HSPA2: variants seen among roughly 807,000 people sequenced by gnomAD.
HSPA2 encodes heat shock protein family A (Hsp70) member 2.
HSPA2 carries 13 observed loss-of-function variants against 35.0 expected under a neutral mutation model. That is an observed-to-expected ratio of 0.37 (90% CI 0.24 to 0.59). The LOEUF is 0.59. HSPA2 is among the 20% of genes least tolerant of loss of function. The probability of loss-of-function intolerance (pLI) is 0.70; values close to 1 mark genes in which losing one functional copy is unlikely to be tolerated. For synonymous variants in HSPA2, 368 were observed against 382.1 expected (o/e 0.96, Z 0.43); for missense variants, 565 against 885.4 (o/e 0.64, Z 4.59).
chr14:64,542,642 A>G lies in HSPA2; in HGVS notation c.1793A>G (p.Lys598Arg). 6.2e-7 allele frequency: 1 copy of G among 1,613,994 alleles called. No homozygotes were observed. Reference sequence around the variant, plus strand: ...GCAGAGAAAGATGAGTATGAACACAAGCAGAAAGAGCTCGAAAGAGTTTGC... The same window carrying G: ...GCAGAGAAAGATGAGTATGAACACAGGCAGAAAGAGCTCGAAAGAGTTTGC... ...QMAEKDEYEH[K>R]QKELERVCNP... Residue 598 changes from lysine (K) to arginine (R), a missense_variant, in exon 1 of 1, where the codon AAG (lysine) becomes AGG (arginine). This residue lies in a region of HSPA2 where 147 missense variants were observed against 166.7 expected (regional missense o/e 0.88). Transcript: ENST00000247207. This position sits in a 1 kb window ranked among gnomAD's most constrained non-coding sequence, Gnocchi z 5.7.
Position 64,542,488 on chromosome 14 carries a change from TCCTATA to T in HSPA2, c.1644_1649del (p.Thr549_Tyr550del), listed in dbSNP as rs1267365296. The T allele has an allele frequency of 6.2e-7, 1 of 1,610,544 alleles. No homozygotes were observed. Among genetic ancestry groups the T allele is most frequent in the Non-Finnish European group, 8.5e-7 (1 of 1,179,370 alleles). On this transcript the variant is annotated inframe_deletion, in exon 1 of 1. Coordinates refer to ENST00000247207, the MANE Select transcript of HSPA2 (RefSeq NM_021979.4). The surrounding 1 kb of genome is among the most constrained non-coding windows in gnomAD (Gnocchi z 5.7). ...AGTCGCGGCCAAAAACGCCCTGGAG[TCCTATA>T]CCTACAACATCAAGCAGACGGTGGA...
chr14:64,536,534 G>A (rs2079981592), upstream of HSPA2, among the ~76,000 whole-genome samples: 1 of 152,208 alleles, frequency 6.6e-6, no homozygotes, highest in Non-Finnish European at 1.5e-5. Flanking sequence ...GCTGAGACTG[G>A]TGGAGAGCTT....
Position 64,543,127 on chromosome 14 carries a change from T to C in HSPA2, c.*358T>C, listed in dbSNP as rs891738963. On this transcript the variant is annotated 3_prime_UTR_variant, in exon 1 of 1. Transcript: ENST00000247207. ...TAGGAGCTTAAATTGTTTATTTTTATGTACTACTTTAAAACTAAACTGAAC... is the reference window on the plus strand; with the variant it reads ...TAGGAGCTTAAATTGTTTATTTTTACGTACTACTTTAAAACTAAACTGAAC... 4 of 296,912 alleles carry C rather than the reference T, an allele frequency of 1.3e-5. No individual in the cohort carries two copies. Among genetic ancestry groups the C allele is most frequent in the Non-Finnish European group, 2.7e-5 (4 of 150,794 alleles). The allele number at this position is 296,912 out of a possible 1,614,324, so 18.4% of individuals were successfully genotyped here. A position where few individuals can be genotyped will look rare whatever the true frequency, so the allele number is the denominator to read the frequency against.
At chr14:64,536,386 A>C (rs2079980785), upstream of HSPA2, among the ~76,000 whole-genome samples, 1 of 152,132 alleles carries the variant, frequency 6.6e-6, no homozygotes, top group Non-Finnish European at 1.5e-5. Flanking sequence ...AAATAATACT[A>C]CCTGCATTTT....
At position 64,542,703 on chromosome 14, in the gene HSPA2, T is replaced by TGGCGGCGGCAGC. The variant is rs1555350329; in HGVS notation, c.1864_1875dup (p.Ser622_Gly625dup). 13 of 1,613,916 alleles carry TGGCGGCGGCAGC rather than the reference T, an allele frequency of 8.1e-6. No homozygotes were observed. Among genetic ancestry groups the TGGCGGCGGCAGC allele is most frequent in the South Asian group, 5.5e-5 (5 of 91,080 alleles). On this transcript the variant is annotated inframe_insertion, in exon 1 of 1. Coordinates refer to ENST00000247207, the MANE Select transcript of HSPA2 (RefSeq NM_021979.4). This position sits in a 1 kb window ranked among gnomAD's most constrained non-coding sequence, Gnocchi z 5.7. The stretch of plus-strand genomic sequence containing the variant: ...TCAGCAAACTTTACCAAGGTGGTCC[T>TGGCGGCGGCAGC]GGCGGCGGCAGCGGCGGCGGCGGTT...
At chr14:64,537,253 GAAAA>G (rs2079986487), upstream of HSPA2, among the ~76,000 whole-genome samples, 1 of 149,366 alleles carries the variant, frequency 6.7e-6, no homozygotes, top group Non-Finnish European at 1.5e-5. Context: ...ACAAAGAAAA[GAAAA>G]GAAAGAAAGA....
In HSPA2 at chr14:64,540,838, C is replaced by T. The variant is rs769217048; in HGVS notation, c.-12C>T. ...GTTTTCCCGTCCTAACGTCGCTCGC[C>T]TTTCAGTCAGGATGTCTGCCCGTGG... On this transcript the variant is annotated 5_prime_UTR_variant, in exon 1 of 1. Coordinates refer to ENST00000247207, the MANE Select transcript of HSPA2 (RefSeq NM_021979.4). 1.9e-6 allele frequency: 3 copies of T among 1,613,614 alleles called. No homozygotes were observed. The highest frequency in any genetic ancestry group is 2.2e-5 in the South Asian group (2 of 91,058).
upstream of HSPA2, among the ~76,000 whole-genome samples, chr14:64,539,296 A>T (rs2080004570): frequency 6.6e-6 from 1 of 152,030 alleles, no homozygotes; most frequent in Non-Finnish European, 1.5e-5. Context: ...CATTCCATTG[A>T]GCGGAGTCAG....
chr14:64,541,423 G>T lies in HSPA2; in HGVS notation c.574G>T (p.Ala192Ser). The T allele has an allele frequency of 3.1e-6, 5 of 1,613,834 alleles. No homozygotes were observed. Among genetic ancestry groups the T allele is most frequent in the Non-Finnish European group, 4.2e-6 (5 of 1,179,998 alleles). The part of the protein sequence containing the change: ...IAYGLDKKGC[A>S]GGEKNVLIFD... ...CTACGGCCTGGACAAGAAGGGCTGC[G>T]CGGGCGGCGAGAAGAACGTGCTCAT... Residue 192 changes from alanine (A) to serine (S), a missense_variant, in exon 1 of 1, where the codon GCG becomes TCG. Physicochemically the swap from Ala to Ser is moderately conservative, Grantham distance 99. Around this residue, in one of 4 missense-constraint regions of HSPA2, gnomAD observed 183 missense variants for 281.6 expected, o/e 0.65. Transcript: ENST00000247207.
chr14:64,542,277 A>C lies in HSPA2; in HGVS notation c.1428A>C (p.Gln476His), dbSNP rs755726266. 1 of 1,613,774 alleles carries C rather than the reference A, an allele frequency of 6.2e-7. No individual in the cohort carries two copies. Among genetic ancestry groups the C allele is most frequent in the Non-Finnish European group, 8.5e-7 (1 of 1,179,980 alleles). ...GIPPAPRGVP[Q>H]IEVTFDIDAN... ...CCCCTGCGCCTCGCGGGGTCCCCCA[A>C]ATCGAGGTTACCTTCGACATTGACG... The change falls in exon 1 of 1, where the codon CAA becomes CAC. Residue 476 changes from glutamine (Q) to histidine (H), a missense_variant. This residue lies in a region of HSPA2 where 234 missense variants were observed against 419.0 expected (regional missense o/e 0.56). Transcript: ENST00000247207. The surrounding 1 kb of genome is among the most constrained non-coding windows in gnomAD (Gnocchi z 5.7).
chr14:64,539,102 G>T (rs533665882), upstream of HSPA2, among the ~76,000 whole-genome samples: 1 of 152,256 alleles, frequency 6.6e-6, no homozygotes, highest in East Asian at 1.9e-4. Context: ...CTCCACACCC[G>T]TCCAGGAGCC....
At chr14:64,537,767 G>A (rs2079990645), upstream of HSPA2, among the ~76,000 whole-genome samples, 2 of 122,750 alleles carry the variant, frequency 1.6e-5, no homozygotes, top group South Asian at 2.6e-4. Context: ...TTGCTCTGTC[G>A]CCCAGGCTGG....
Position 64,542,253 on chromosome 14 carries a change from C to A in HSPA2, c.1404C>A (p.Pro468=). 1 of 1,613,944 alleles carries A rather than the reference C, an allele frequency of 6.2e-7. No individual in the cohort carries two copies. Among genetic ancestry groups the A allele is most frequent in the Non-Finnish European group, 8.5e-7 (1 of 1,179,992 alleles). ...LLGKFDLTGI[P]PAPRGVPQIE... ...GCAAGTTCGACCTGACCGGGATTCC[C>A]CCTGCGCCTCGCGGGGTCCCCCAAA... Residue 468 remains proline (P), a synonymous_variant, in exon 1 of 1, where the codon CCC becomes CCA. Coordinates refer to ENST00000247207, the MANE Select transcript of HSPA2 (RefSeq NM_021979.4). This position sits in a 1 kb window ranked among gnomAD's most constrained non-coding sequence, Gnocchi z 5.7.
At position 64,542,265 on chromosome 14, in the gene HSPA2, C is replaced by T; in HGVS notation, c.1416C>T (p.Arg472=). The change falls in exon 1 of 1, where the codon CGC becomes CGT. Residue 472 remains arginine (R), a synonymous_variant. Transcript: ENST00000247207. The surrounding 1 kb of genome is among the most constrained non-coding windows in gnomAD (Gnocchi z 5.7). The part of the protein sequence containing the change: ...FDLTGIPPAP[R]GVPQIEVTFD... ...TGACCGGGATTCCCCCTGCGCCTCGCGGGGTCCCCCAAATCGAGGTTACCT... is the reference window on the plus strand; with the variant it reads ...TGACCGGGATTCCCCCTGCGCCTCGTGGGGTCCCCCAAATCGAGGTTACCT... 1.2e-6 allele frequency: 2 copies of T among 1,614,020 alleles called. No individual in the cohort carries two copies.
upstream of HSPA2, among the ~76,000 whole-genome samples, chr14:64,539,215 C>T (rs1169046321): frequency 2.6e-5 from 4 of 152,100 alleles, no homozygotes; most frequent in East Asian, 7.7e-4. Context: ...GAATCGCGCT[C>T]CTTTTCATCT....
At chr14:64,536,697 C>G (rs1301139863), upstream of HSPA2, among the ~76,000 whole-genome samples, 2 of 152,154 alleles carry the variant, frequency 1.3e-5, no homozygotes, top group African/African-American at 2.4e-5. Flanking sequence ...TGTGAGCCTG[C>G]CACTGCATTC....
rs762698094 is a variant in HSPA2, at chr14:64,541,407, G to A, written c.558G>A (p.Leu186=). The change falls in exon 1 of 1, where the codon CTG becomes CTA. Residue 186 remains leucine, a synonymous_variant. Coordinates refer to ENST00000247207, the MANE Select transcript of HSPA2 (RefSeq NM_021979.4). Reference sequence around the variant, plus strand: ...CGGCGGCGGCCATCGCCTACGGCCTGGACAAGAAGGGCTGCGCGGGCGGCG... The same window carrying A: ...CGGCGGCGGCCATCGCCTACGGCCTAGACAAGAAGGGCTGCGCGGGCGGCG... ...EPTAAAIAYG[L]DKKGCAGGEK... The A allele has an allele frequency of 1.9e-6, 3 of 1,612,712 alleles. No individual in the cohort carries two copies. The highest frequency in any genetic ancestry group is 2.2e-5 in the South Asian group (2 of 91,070).
In HSPA2 at chr14:64,542,253, C is replaced by T. The variant is rs887466325; in HGVS notation, c.1404C>T (p.Pro468=). The change falls in exon 1 of 1, where the codon CCC becomes CCT. Residue 468 remains proline, a synonymous_variant. Transcript: ENST00000247207. This position sits in a 1 kb window ranked among gnomAD's most constrained non-coding sequence, Gnocchi z 5.7. Reference sequence around the variant, plus strand: ...GCAAGTTCGACCTGACCGGGATTCCCCCTGCGCCTCGCGGGGTCCCCCAAA... The same window carrying T: ...GCAAGTTCGACCTGACCGGGATTCCTCCTGCGCCTCGCGGGGTCCCCCAAA... ...LLGKFDLTGI[P]PAPRGVPQIE... is the part of the protein sequence containing the mutation. 4 of 1,613,828 alleles carry T rather than the reference C, an allele frequency of 2.5e-6. No individual in the cohort carries two copies. Among genetic ancestry groups the T allele is most frequent in the Admixed American group, 1.7e-5 (1 of 59,980 alleles).
chr14:64,542,915 C>A lies in HSPA2; in HGVS notation c.*146C>A. On this transcript the variant is annotated 3_prime_UTR_variant, in exon 1 of 1. Coordinates refer to ENST00000247207, the MANE Select transcript of HSPA2 (RefSeq NM_021979.4). This position sits in a 1 kb window ranked among gnomAD's most constrained non-coding sequence, Gnocchi z 5.7. ...GCAAATGAAAGGAGAGGTGCAACAA[C>A]TTAGTTTAATTATAAAAGTTCCAAA... is the stretch of plus-strand genomic sequence containing the variant. 1 of 1,280,994 alleles carries A rather than the reference C, an allele frequency of 7.8e-7. No individual in the cohort carries two copies. Among genetic ancestry groups the A allele is most frequent in the Non-Finnish European group, 1.1e-6 (1 of 949,854 alleles). The allele number at this position is 1,280,994 out of a possible 1,614,324, so 79.4% of individuals were successfully genotyped here. A position where few individuals can be genotyped will look rare whatever the true frequency, so the allele number is the denominator to read the frequency against.
Sources: gnomAD v4.1 joint callset for allele counts (sites outside exome capture counted in the v4.1 genomes callset) on GRCh38, gnomAD v4.1.1 for gene constraint, gnomAD v4.1.1 regional missense constraint, Gnocchi (gnomAD v3.1) non-coding constraint, MANE v1.5 for transcripts, NCBI Gene and HGNC (gene_info 2026-07-23, HGNC 2026-07-21) for gene names.